SPATS2: variants seen among roughly 807,000 people sequenced by gnomAD.
SPATS2 encodes the protein spermatogenesis associated serine rich 2.
SPATS2 carries 38 observed loss-of-function variants against 63.7 expected under a neutral mutation model. That is an observed-to-expected ratio of 0.60 (90% CI 0.46 to 0.78). The LOEUF (loss-of-function observed/expected upper bound fraction) is 0.78. Among genes scored for constraint, SPATS2 ranks in the 30% least tolerant of loss-of-function variants. The pLI, the probability that SPATS2 is intolerant of heterozygous loss-of-function variation, is 0.00. For synonymous variants in SPATS2, 207 were observed against 232.9 expected, an observed-to-expected ratio of 0.89 and a Z score of 1.01; for missense variants, 588 against 666.2, an observed-to-expected ratio of 0.88 and a Z score of 1.29.
At chr12:49,517,260 A>G (rs1025151558) in intron 10 of SPATS2, among the ~76,000 whole-genome samples, 10 of 152,208 alleles carry the variant, frequency 6.6e-5, no homozygotes, top group Non-Finnish European at 5.9e-5. Context: ...TTTTGTAGGC[A>G]TGCTCCTGAC....
chr12:49,459,921 G>A (rs1291692192), intron 2 of SPATS2, among the ~76,000 whole-genome samples: 6 of 138,800 alleles, frequency 4.3e-5, no homozygotes, highest in African/African-American at 1.7e-4. Flanking sequence ...GGCCAATATG[G>A]TGAAACCCTG....
At chr12:49,470,870 C>G (rs1592431907) in intron 3 of SPATS2, among the ~76,000 whole-genome samples, 2 of 152,150 alleles carry the variant, frequency 1.3e-5, no homozygotes, top group East Asian at 1.9e-4. Context: ...TTGTTTCTGC[C>G]TTAATTTAAG....
At chr12:49,423,118 A>C (rs1285938266) in intron 2 of SPATS2, among the ~76,000 whole-genome samples, 1 of 150,894 alleles carries the variant, frequency 6.6e-6, no homozygotes. Context: ...TTGCCTTGCT[A>C]GCACTCTGGT....
Position 49,460,804 on chromosome 12 carries a change from A to G in SPATS2, c.-209A>G, listed in dbSNP as rs878938401. On this transcript the variant is annotated 5_prime_UTR_variant, in exon 3 of 14. It removes an upstream start codon present in the reference 5' UTR. Coordinates refer to ENST00000552918, the MANE Select transcript of SPATS2 (RefSeq NM_023071.4). Reference sequence around the variant, plus strand: ...GGAAAAGGAGACATGAATGTCTGCAATGATACTTCCTGACAAGAAGTTGAT... The same window carrying G: ...GGAAAAGGAGACATGAATGTCTGCAGTGATACTTCCTGACAAGAAGTTGAT... 8.9e-5 allele frequency: 53 copies of G among 598,304 alleles called. No homozygotes were observed. The South Asian group carries it at 9.7e-4, about 11-fold the overall frequency. The allele number at this position is 598,304 out of a possible 1,614,324, so 37.1% of individuals were successfully genotyped here. A position where few individuals can be genotyped will look rare whatever the true frequency, so the allele number is the denominator to read the frequency against.
At chr12:49,485,920 T>C (rs1946284614) in intron 4 of SPATS2, among the ~76,000 whole-genome samples, 1 of 151,866 alleles carries the variant, frequency 6.6e-6, no homozygotes, top group Non-Finnish European at 1.5e-5. Flanking sequence ...CCACCATGCC[T>C]GGCTAATTTT....
intron 2 of SPATS2, among the ~76,000 whole-genome samples, chr12:49,435,665 AATTG>A (rs1945266707): frequency 2.9e-5 from 2 of 70,006 alleles, no homozygotes; most frequent in South Asian, 4.4e-4. Context: ...TTTTTTTTTT[AATTG>A]ATCATTCTTG....
At chr12:49,484,013 A>G (rs1946248973) in intron 3 of SPATS2, among the ~76,000 whole-genome samples, 1 of 152,242 alleles carries the variant, frequency 6.6e-6, no homozygotes, top group African/African-American at 2.4e-5. Context: ...TTTCTTTGTA[A>G]GTACAGAGAA....
At chr12:49,436,772 C>T (rs1409030502) in intron 2 of SPATS2, among the ~76,000 whole-genome samples, 1 of 145,006 alleles carries the variant, frequency 6.9e-6, no homozygotes, top group African/African-American at 2.6e-5. Flanking sequence ...GGCGGCTGGC[C>T]GGGCAGAGGG....
At chr12:49,419,036 C>T (rs1944936501) in intron 2 of SPATS2, among the ~76,000 whole-genome samples, 1 of 152,118 alleles carries the variant, frequency 6.6e-6, no homozygotes, top group Non-Finnish European at 1.5e-5. Flanking sequence ...GCATTCTTTT[C>T]CCCTCCACCT....
intron 3 of SPATS2, among the ~76,000 whole-genome samples, chr12:49,482,997 C>T (rs908209490): frequency 2.0e-5 from 3 of 151,400 alleles, no homozygotes; most frequent in African/African-American, 7.3e-5. Flanking sequence ...CCATATTGCC[C>T]AGGCTGCTCT....
At chr12:49,498,146 ATAT>A (rs1455313271) in intron 8 of SPATS2, among the ~76,000 whole-genome samples, 2,338 of 65,354 alleles carry the variant, frequency 0.036, 30 homozygotes, top group African/African-American at 0.067. Flanking sequence ...AAAAAAAAAA[ATAT>A]ATATATATAT....
At chr12:49,394,710 CATTT>C (rs1327053223) in intron 2 of SPATS2, among the ~76,000 whole-genome samples, 1 of 151,934 alleles carries the variant, frequency 6.6e-6, no homozygotes, top group Non-Finnish European at 1.5e-5. Context: ...TTGCTAAACT[CATTT>C]ATTATTATTT....
intron 2 of SPATS2, among the ~76,000 whole-genome samples, chr12:49,438,742 ATGAATTATTTATTACCT>A (rs1945362191): frequency 6.6e-6 from 1 of 152,232 alleles, no homozygotes; most frequent in African/African-American, 2.4e-5. Context: ...GTATGGCTTA[ATGAATTATTTATTACCT>A]TGTTATATAA....
chr12:49,408,589 T>A (rs1417353367), intron 2 of SPATS2, among the ~76,000 whole-genome samples: 2 of 117,030 alleles, frequency 1.7e-5, no homozygotes, highest in Non-Finnish European at 3.6e-5. Context: ...AGAGTCTTGC[T>A]CTGCCGCCCA....
intron 9 of SPATS2, among the ~76,000 whole-genome samples, chr12:49,513,172 A>G (rs184903391): frequency 1.9e-3 from 295 of 152,146 alleles, no homozygotes; most frequent in African/African-American, 6.8e-3. Flanking sequence ...TAACATAACT[A>G]TGTATTGAGC....
At chr12:49,515,434 A>G (rs183561067) in intron 10 of SPATS2, among the ~76,000 whole-genome samples, 26 of 152,336 alleles carry the variant, frequency 1.7e-4, no homozygotes, top group African/African-American at 5.8e-4. Flanking sequence ...CTAGGTCGAG[A>G]TCATGACTCA....
chr12:49,394,718 A>G (rs1354974116), intron 2 of SPATS2, among the ~76,000 whole-genome samples: 2 of 152,076 alleles, frequency 1.3e-5, no homozygotes, highest in Non-Finnish European at 2.9e-5. Context: ...CTCATTTATT[A>G]TTATTTTTTA....
At chr12:49,518,573 C>T (rs898544520) in intron 10 of SPATS2, among the ~76,000 whole-genome samples, 10 of 151,970 alleles carry the variant, frequency 6.6e-5, no homozygotes, top group African/African-American at 2.2e-4. Context: ...AAAGAAAGAC[C>T]ATGTGTATGA....
chr12:49,379,614 T>G (rs1944176109), intron 2 of SPATS2, among the ~76,000 whole-genome samples: 1 of 147,570 alleles, frequency 6.8e-6, no homozygotes, highest in Non-Finnish European at 1.5e-5. Flanking sequence ...ATCACCTCTA[T>G]CTAGTTCAAT....
Sources: gnomAD v4.1 joint callset for allele counts (sites outside exome capture counted in the v4.1 genomes callset) on GRCh38, gnomAD v4.1.1 for gene constraint, MANE v1.5 for transcripts, NCBI Gene and HGNC (gene_info 2026-07-23, HGNC 2026-07-21) for gene names.